LCMT1: variants seen among roughly 807,000 people sequenced by gnomAD.
The protein encoded by LCMT1 is [Phosphatase 2A protein]-leucine-carboxy methyltransferase 1.
Under a neutral mutation model 47.7 loss-of-function variants are expected in LCMT1, and 32 were observed. The ratio of observed to expected loss-of-function variants is 0.67; its 90% CI spans 0.51 to 0.90. The LOEUF (loss-of-function observed/expected upper bound fraction) is 0.90, where lower values mean the gene tolerates loss of function less well. LCMT1 is among the 40% of genes least tolerant of loss of function. The pLI, the probability that LCMT1 is intolerant of heterozygous loss-of-function variation, is 0.00. For synonymous variants in LCMT1, 152 were observed against 149.7 expected (o/e 1.02, Z -0.11); for missense variants, 375 against 415.2 (o/e 0.90, Z 0.84).
At chr16:25,171,724 A>G (rs1318157948) in intron 9 of LCMT1, among the ~76,000 whole-genome samples, 2 of 152,180 alleles carry the variant, frequency 1.3e-5, no homozygotes, top group African/African-American at 2.4e-5. Flanking sequence ...TTATAAAGGA[A>G]ATCTATGCTT....
At chr16:25,159,182 G>A (rs547106812) in intron 5 of LCMT1, among the ~76,000 whole-genome samples, 1 of 152,352 alleles carries the variant, frequency 6.6e-6, no homozygotes, top group Middle Eastern at 3.4e-3. Context: ...CATTCCAAAT[G>A]TGCTTATTAT....
chr16:25,127,649 A>G (rs541771214), intron 1 of LCMT1, among the ~76,000 whole-genome samples: 21 of 152,352 alleles, frequency 1.4e-4, no homozygotes, highest in African/African-American at 5.0e-4. Flanking sequence ...TCAGGGTATC[A>G]TTAGGATGCT....
chr16:25,151,066 T>G (rs1961066696), intron 4 of LCMT1, among the ~76,000 whole-genome samples: 1 of 152,170 alleles, frequency 6.6e-6, no homozygotes, highest in Non-Finnish European at 1.5e-5. Flanking sequence ...TTTCTGATTT[T>G]TTGCCTATTC....
chr16:25,152,050 T>G (rs1326260952), intron 5 of LCMT1, among the ~76,000 whole-genome samples: 2 of 152,178 alleles, frequency 1.3e-5, no homozygotes, highest in Non-Finnish European at 2.9e-5. Context: ...AGTGTTAGCA[T>G]GATCCAAGGG....
intron 9 of LCMT1, among the ~76,000 whole-genome samples, chr16:25,172,331 A>G (rs777342893): frequency 6.6e-5 from 10 of 151,976 alleles, no homozygotes; most frequent in African/African-American, 9.7e-5. Context: ...AATAGGGTAC[A>G]TAGTATTTAT....
At chr16:25,170,880 G>A in intron 9 of LCMT1, 75 bp downstream of exon 9, 1 of 950,150 alleles carries the variant, frequency 1.1e-6, no homozygotes, top group Non-Finnish European at 1.6e-6. Flanking sequence ...ATTCTTTCAT[G>A]CAGAAAAACA....
intron 2 of LCMT1, among the ~76,000 whole-genome samples, chr16:25,129,845 A>G (rs1018294791): frequency 6.6e-6 from 1 of 152,198 alleles, no homozygotes; most frequent in African/African-American, 2.4e-5. Context: ...AATCTTCCCT[A>G]AGGATGGAAA....
chr16:25,174,177 G>T (rs1433347310), intron 9 of LCMT1, among the ~76,000 whole-genome samples: 1 of 152,202 alleles, frequency 6.6e-6, no homozygotes, highest in Non-Finnish European at 1.5e-5. Context: ...CTCCCAAAGT[G>T]CTGGGATTAC....
intron 3 of LCMT1, among the ~76,000 whole-genome samples, chr16:25,137,764 A>C (rs1276198275): frequency 3.9e-5 from 6 of 152,142 alleles, no homozygotes; most frequent in Non-Finnish European, 8.8e-5. Context: ...TTTTAAAAAG[A>C]TAAATCCCAG....
chr16:25,165,393 A>G (rs1029496629), intron 7 of LCMT1, among the ~76,000 whole-genome samples: 1 of 152,144 alleles, frequency 6.6e-6, no homozygotes, highest in Admixed American at 6.5e-5. Flanking sequence ...GCTCTCAGCT[A>G]TGTGAACTTA....
Position 25,174,969 on chromosome 16 carries a change from A to T in LCMT1, c.917A>T (p.Glu306Val). 1 of 1,608,196 alleles carries T rather than the reference A, an allele frequency of 6.2e-7. No homozygotes were observed. Among genetic ancestry groups the T allele is most frequent in the Non-Finnish European group, 8.5e-7 (1 of 1,175,690 alleles). ...IESLEFLDEM[E>V]LLEQLMRHYC... ...TCACTTGAATTCCTGGATGAAATGG[A>T]GCTGCTGGAGCAGCTCATGCGGCAT... The change falls in exon 10 of 11, where the codon GAG (glutamate) becomes GTG (valine). Residue 306 changes from glutamate to valine, a missense_variant. By Grantham distance (121) the Glu-to-Val change is moderately radical (BLOSUM62 -2). Transcript: ENST00000399069.
At chr16:25,158,029 A>T (rs1314227049) in intron 5 of LCMT1, among the ~76,000 whole-genome samples, 1 of 152,266 alleles carries the variant, frequency 6.6e-6, no homozygotes, top group Non-Finnish European at 1.5e-5. Flanking sequence ...TTTTTACTTC[A>T]TTCTTAAACA....
At chr16:25,162,588 CAAAAA>C (rs542231545) in intron 6 of LCMT1, among the ~76,000 whole-genome samples, 1 of 78,792 alleles carries the variant, frequency 1.3e-5, no homozygotes, top group African/African-American at 4.5e-5. Context: ...GACTCCATCT[CAAAAA>C]AAAAAAAAAA....
intron 4 of LCMT1, chr16:25,141,442 C>G (rs1445212871): frequency 6.6e-6 from 1 of 152,326 alleles, no homozygotes. Flanking sequence ...ACCTTCTGGG[C>G]TCAGGCAATC....
At chr16:25,168,000 G>A (rs560687132) in intron 7 of LCMT1, among the ~76,000 whole-genome samples, 204 of 150,270 alleles carry the variant, frequency 1.4e-3, no homozygotes, top group Non-Finnish European at 2.3e-3. Context: ...CAAGTGATCC[G>A]CCCACCTCGG....
intron 5 of LCMT1, among the ~76,000 whole-genome samples, chr16:25,156,129 C>T (rs376676726): frequency 2.6e-5 from 4 of 152,120 alleles, no homozygotes; most frequent in Admixed American, 6.6e-5. Flanking sequence ...GCTCAGCTGC[C>T]GCTTCCTCAG....
At position 25,178,175 on chromosome 16, in the gene LCMT1, C is replaced by T; in HGVS notation, c.*152C>T. On this transcript the variant is annotated 3_prime_UTR_variant, in exon 11 of 11. Coordinates refer to ENST00000399069, the MANE Select transcript of LCMT1 (RefSeq NM_016309.3). ...GTCACTACAGTGGTCGCACATGTTC[C>T]TCTTCCTGTTCCTGTTGACATGTCG... The T allele has an allele frequency of 1.5e-6, 1 of 658,784 alleles. No individual in the cohort carries two copies. Among genetic ancestry groups the T allele is most frequent in the Non-Finnish European group, 2.6e-6 (1 of 378,998 alleles). The allele number at this position is 658,784 out of a possible 1,614,324, so 40.8% of individuals were successfully genotyped here.
intron 1 of LCMT1, among the ~76,000 whole-genome samples, chr16:25,116,608 G>A (rs1237574281): frequency 6.6e-6 from 1 of 151,856 alleles, no homozygotes; most frequent in Non-Finnish European, 1.5e-5. Flanking sequence ...CAGTGGAGGA[G>A]GTGTTAAAGA....
At chr16:25,165,463 A>G (rs1298442414) in intron 7 of LCMT1, among the ~76,000 whole-genome samples, 1 of 150,986 alleles carries the variant, frequency 6.6e-6, no homozygotes, top group East Asian at 1.9e-4. Flanking sequence ...CTGCTGTGTG[A>G]CCTGGGCAAG....
Sources: gnomAD v4.1 joint callset for allele counts (sites outside exome capture counted in the v4.1 genomes callset) on GRCh38, gnomAD v4.1.1 for gene constraint, MANE v1.5 for transcripts, NCBI Gene and HGNC (gene_info 2026-07-23, HGNC 2026-07-21) for gene names.